Variants in ITPR3 observed in about 807,000 individuals in gnomAD.
ITPR3 encodes inositol 1,4,5-trisphosphate receptor type 3, also known as inositol 1,4,5-trisphosphate-gated calcium channel ITPR3.
A neutral mutation model predicts 293.2 loss-of-function variants in ITPR3; 173 were observed. The observed-to-expected ratio is 0.59, with a 90% confidence interval of 0.52 to 0.67. The LOEUF is 0.67. ITPR3 is among the 30% of genes least tolerant of loss of function. The pLI, the probability that ITPR3 is intolerant of heterozygous loss-of-function variation, is 0.00. For missense variants in ITPR3, 2,796 were observed against 3,592.1 expected (o/e 0.78, Z 5.66); for synonymous variants, 1,295 against 1,444.4 (o/e 0.90, Z 2.35).
At chr6:33,629,165 T>G (rs1205383549) in intron 1 of ITPR3, among the ~76,000 whole-genome samples, 1 of 151,998 alleles carries the variant, frequency 6.6e-6, no homozygotes, top group Non-Finnish European at 1.5e-5. Flanking sequence ...TTGTTTACAG[T>G]GGTCACATTT....
Position 33,695,916 on chromosome 6 carries a change from C to G in ITPR3, c.*136C>G. 1.3e-6 allele frequency: 1 copy of G among 751,546 alleles called. No homozygotes were observed. Among genetic ancestry groups the G allele is most frequent in the South Asian group, 1.6e-5 (1 of 61,636 alleles). 46.6% of individuals were successfully genotyped at this position (751,546 alleles called of 1,614,324 possible). A position where few individuals can be genotyped will look rare whatever the true frequency, so the allele number is the denominator to read the frequency against. ...ACTCCCACTCTGCCAGACACCCTGACACCCACCCAGGCTTTGAAGAGCATG... is the reference window on the plus strand; with the variant it reads ...ACTCCCACTCTGCCAGACACCCTGAGACCCACCCAGGCTTTGAAGAGCATG... On this transcript the variant is annotated 3_prime_UTR_variant, in exon 58 of 58. Transcript: ENST00000605930.
chr6:33,668,753 G>A, intron 17 of ITPR3, 119 bp downstream of exon 17: 1 of 1,485,400 alleles, frequency 6.7e-7, no homozygotes. Flanking sequence ...CTGCAGCTGT[G>A]AACTCTGTGC....
chr6:33,691,315 T>A lies in ITPR3; in HGVS notation c.7225+206T>A, dbSNP rs1196192270. 6.6e-6 allele frequency among the ~76,000 whole-genome samples: 1 copy of A among 152,222 alleles called. No individual in the cohort carries two copies. Among genetic ancestry groups the A allele is most frequent in the Non-Finnish European group, 1.5e-5 (1 of 68,036 alleles). ...AGTGGGTGGGAGAGCCTTGGGTCTC[T>A]GGCCCCTAAGGAACCCCTTGCTTGA... On this transcript the variant is annotated intron_variant, in intron 52 of 57. Coordinates refer to ENST00000605930, the MANE Select transcript of ITPR3 (RefSeq NM_002224.4). This position sits in a 1 kb window ranked among gnomAD's most constrained non-coding sequence, Gnocchi z 4.9.
chr6:33,658,009 T>C lies in ITPR3; in HGVS notation c.360T>C (p.Ser120=). The change falls in exon 4 of 58, where the codon AGT becomes AGC. Residue 120 remains serine (S), a synonymous_variant. Transcript: ENST00000605930. This position sits in a 1 kb window ranked among gnomAD's most constrained non-coding sequence, Gnocchi z 6.1. ...ATGGGGATGTCGTGAAGTATGGCAG[T>C]GTGATCCAGGTGAGGCTGGCCTGCC... ...KVHGDVVKYG[S]VIQLLHMKSN... 2 of 1,613,084 alleles carry C rather than the reference T, an allele frequency of 1.2e-6. No homozygotes were observed. Among genetic ancestry groups the C allele is most frequent in the Non-Finnish European group, 1.7e-6 (2 of 1,179,448 alleles).
Position 33,683,963 on chromosome 6 carries a change from C to T in ITPR3, c.4789-57C>T, listed in dbSNP as rs938341315. 12 of 1,537,348 alleles carry T rather than the reference C, an allele frequency of 7.8e-6. No individual in the cohort carries two copies. Among genetic ancestry groups the T allele is most frequent in the African/African-American group, 1.4e-5 (1 of 73,522 alleles). On this transcript the variant is annotated intron_variant, in intron 35 of 57. Transcript: ENST00000605930. The surrounding 1 kb of genome is among the most constrained non-coding windows in gnomAD (Gnocchi z 4.5). ...TTTGGCGTTTGGGTCGGAGGAATGG[C>T]AGTCACACCCGGGTCATTTCTTGGG... is the stretch of plus-strand genomic sequence containing the variant.
At position 33,686,395 on chromosome 6, in the gene ITPR3, C is replaced by G; in HGVS notation, c.5869-14C>G. On this transcript the variant is annotated splice_polypyrimidine_tract_variant and intron_variant, in intron 42 of 57. Coordinates refer to ENST00000605930, the MANE Select transcript of ITPR3 (RefSeq NM_002224.4). ...GAGGGCCTGGGCCCTGTGTCCCCCA[C>G]TGCCTCCTGCCAGACTTGCATTGTG... is the stretch of plus-strand genomic sequence containing the variant. 1 of 1,610,984 alleles carries G rather than the reference C, an allele frequency of 6.2e-7. No individual in the cohort carries two copies. The highest frequency in any genetic ancestry group is 8.5e-7 in the Non-Finnish European group (1 of 1,177,136).
rs953183342 is a variant in ITPR3, at chr6:33,687,461, G to A, written c.6178-17G>A. 12 of 1,604,454 alleles carry A rather than the reference G, an allele frequency of 7.5e-6. No individual in the cohort carries two copies. The African/African-American group carries it at 1.5e-4, about 20-fold the overall frequency. ...CCAGCCACCACACCCTGGTGACTGTGCTGCCATTTCCCTCAGCTCTCCAGG... is the reference window on the plus strand; with the variant it reads ...CCAGCCACCACACCCTGGTGACTGTACTGCCATTTCCCTCAGCTCTCCAGG... On this transcript the variant is annotated splice_polypyrimidine_tract_variant and intron_variant, in intron 45 of 57. Coordinates refer to ENST00000605930, the MANE Select transcript of ITPR3 (RefSeq NM_002224.4). This position sits in a 1 kb window ranked among gnomAD's most constrained non-coding sequence, Gnocchi z 5.3.
chr6:33,694,542 G>A (rs766864897), intron 56 of ITPR3: 9 of 265,904 alleles, frequency 3.4e-5, no homozygotes, highest in Non-Finnish European at 6.6e-5. Context: ...CGTGGGGCGT[G>A]CTTGTCAGGC....
intron 1 of ITPR3, among the ~76,000 whole-genome samples, chr6:33,636,587 G>T (rs1347737580): frequency 3.9e-5 from 6 of 152,024 alleles, no homozygotes; most frequent in Non-Finnish European, 8.8e-5. Flanking sequence ...GGACCAAGCA[G>T]TTGGAAGGAT....
intron 49 of ITPR3, 76 bp from the exon 50 acceptor site, chr6:33,689,162 T>G: frequency 6.5e-7 from 1 of 1,531,574 alleles, no homozygotes; most frequent in Non-Finnish European, 8.8e-7. Flanking sequence ...AAGGTGGCTT[T>G]TCGGCACCTG....
Position 33,666,108 on chromosome 6 carries a change from C to T in ITPR3, c.1551+132C>T. ...GCACGACCACGTGCCAGGGACTTCC[C>T]TAAGTACCCCACATGTGTTGACGAA... On this transcript the variant is annotated intron_variant, in intron 14 of 57. Transcript: ENST00000605930. This position sits in a 1 kb window ranked among gnomAD's most constrained non-coding sequence, Gnocchi z 5.1. The T allele has an allele frequency of 9.8e-7, 1 of 1,015,612 alleles. No homozygotes were observed. Among genetic ancestry groups the T allele is most frequent in the Non-Finnish European group, 1.4e-6 (1 of 713,736 alleles). 62.9% of individuals were successfully genotyped at this position (1,015,612 alleles called of 1,614,324 possible).
In ITPR3 at chr6:33,687,929, C is replaced by T. The variant is rs946383559; in HGVS notation, c.6265-128C>T. The stretch of plus-strand genomic sequence containing the variant: ...TCCTAGTTGGGCTGGGCTTGGCCTG[C>T]TCTGGCTTGGCGGGGACACTCGCTG... On this transcript the variant is annotated intron_variant, in intron 46 of 57. Transcript: ENST00000605930. This position sits in a 1 kb window ranked among gnomAD's most constrained non-coding sequence, Gnocchi z 5.3. 1.2e-5 allele frequency: 9 copies of T among 742,318 alleles called. No homozygotes were observed. The African/African-American group carries it at 1.6e-4, about 13-fold the overall frequency. The allele number at this position is 742,318 out of a possible 1,614,324, so 46.0% of individuals were successfully genotyped here. A position where few individuals can be genotyped will look rare whatever the true frequency, so the allele number is the denominator to read the frequency against.
At chr6:33,629,091 C>G (rs6921825) in intron 1 of ITPR3, among the ~76,000 whole-genome samples, 1 of 152,142 alleles carries the variant, frequency 6.6e-6, no homozygotes, top group Non-Finnish European at 1.5e-5. Context: ...GGCATAAATA[C>G]AATTCAGGAA....
chr6:33,650,754 AT>A (rs200415325), intron 2 of ITPR3, among the ~76,000 whole-genome samples: 18 of 136,388 alleles, frequency 1.3e-4, no homozygotes, highest in East Asian at 4.4e-4. Flanking sequence ...CTGCTATGTC[AT>A]TTTTTTTTAT....
Position 33,683,984 on chromosome 6 carries a change from T to G in ITPR3, c.4789-36T>G, listed in dbSNP as rs1765152288. The G allele has an allele frequency of 6.4e-7, 1 of 1,560,700 alleles. No individual in the cohort carries two copies. Among genetic ancestry groups the G allele is most frequent in the African/African-American group, 1.4e-5 (1 of 74,046 alleles). On this transcript the variant is annotated intron_variant, in intron 35 of 57. Coordinates refer to ENST00000605930, the MANE Select transcript of ITPR3 (RefSeq NM_002224.4). This position sits in a 1 kb window ranked among gnomAD's most constrained non-coding sequence, Gnocchi z 4.5. The stretch of plus-strand genomic sequence containing the variant: ...ATGGCAGTCACACCCGGGTCATTTC[T>G]TGGGCCTGGCAATGACTCTGCCCTG...
Position 33,670,707 on chromosome 6 carries a change from G to A in ITPR3, c.2478G>A (p.Lys826=), listed in dbSNP as rs1423970741. Residue 826 remains lysine (K), a synonymous_variant, in exon 20 of 58, where the codon AAG becomes AAA. Transcript: ENST00000605930. The surrounding 1 kb of genome is among the most constrained non-coding windows in gnomAD (Gnocchi z 6.7). ...ACCTCAACGCGTCCCGAGATGACAA[G>A]AAGAACAAGTTTGCCAACACCATGG... ...DSNLNASRDD[K]KNKFANTMEF... 6.2e-7 allele frequency: 1 copy of A among 1,614,162 alleles called. No individual in the cohort carries two copies. Among genetic ancestry groups the A allele is most frequent in the East Asian group, 2.2e-5 (1 of 44,880 alleles).
chr6:33,662,860 C>G (rs1764508529), intron 8 of ITPR3, 51 bp from the exon 9 acceptor site: 1 of 1,542,312 alleles, frequency 6.5e-7, no homozygotes, highest in African/African-American at 1.4e-5. Context: ...GGGTCTGACT[C>G]CCCATGCCTG....
Position 33,633,779 on chromosome 6 carries a change from G to C in ITPR3, c.90-6705G>C, listed in dbSNP as rs1020261566. 4.9e-5 allele frequency among the ~76,000 whole-genome samples: 7 copies of C among 144,160 alleles called. No individual in the cohort carries two copies. The highest frequency in any genetic ancestry group is 1.5e-4 in the African/African-American group (6 of 40,374). The allele number at this position is 144,160 out of a possible 152,430, so 94.6% of individuals were successfully genotyped here. On this transcript the variant is annotated intron_variant, in intron 1 of 57. Coordinates refer to ENST00000605930, the MANE Select transcript of ITPR3 (RefSeq NM_002224.4). This position sits in a 1 kb window ranked among gnomAD's most constrained non-coding sequence, Gnocchi z 5.2. ...GGGGGCGGGGCCGGGGCCGGGGCCGGACGCCCGGAGCTCGCGGGCCGGGCC... is the reference window on the plus strand; with the variant it reads ...GGGGGCGGGGCCGGGGCCGGGGCCGCACGCCCGGAGCTCGCGGGCCGGGCC...
intron 50 of ITPR3, among the ~76,000 whole-genome samples, 192 bp from the exon 51 acceptor site, chr6:33,689,842 C>T (rs1000024971): frequency 2.0e-5 from 3 of 152,352 alleles, no homozygotes; most frequent in Non-Finnish European, 2.9e-5. Flanking sequence ...GCCTGTACCT[C>T]ACTGTCTTCC....
Sources: allele counts gnomAD v4.1 joint callset (sites outside exome capture counted in the v4.1 genomes callset), GRCh38; gene constraint gnomAD v4.1.1; non-coding constraint Gnocchi (gnomAD v3.1); transcripts MANE v1.5; gene names NCBI Gene and HGNC (gene_info 2026-07-23, HGNC 2026-07-21).